The following MIX23 variants were observed in gnomAD, a reference collection of about 807,000 sequenced individuals.
MIX23 encodes mitochondrial matrix import factor 23.
A neutral mutation model predicts 21.6 loss-of-function variants in MIX23; 13 were observed. That is an observed-to-expected ratio of 0.60 (90% CI 0.39 to 0.96). The LOEUF (loss-of-function observed/expected upper bound fraction) is 0.96. Ranked by LOEUF, MIX23 falls within the 40% of genes least tolerant of loss-of-function variation. The pLI is 0.00. For synonymous variants in MIX23, 59 were observed against 58.0 expected, an observed-to-expected ratio of 1.02 and a Z score of -0.08; for missense variants, 144 against 171.2, an observed-to-expected ratio of 0.84 and a Z score of 0.89.
chr3:122,377,836 CA>C (rs751582734), intron 1 of MIX23, among the ~76,000 whole-genome samples: 1 of 151,798 alleles, frequency 6.6e-6, no homozygotes, highest in Non-Finnish European at 1.5e-5. Flanking sequence ...GACTATGTCT[CA>C]AAAAAATTTT....
chr3:122,370,456 CAAAAAAAA>C, intron 2 of MIX23, among the ~76,000 whole-genome samples: 1 of 48,282 alleles, frequency 2.1e-5, no homozygotes, highest in African/African-American at 9.5e-5. Context: ...GACACTGTCT[CAAAAAAAA>C]AAAAAAAAAA....
rs142692321 is a variant in MIX23, at chr3:122,377,050, G to A, written c.52-5250C>T. 1.6e-4 allele frequency among the ~76,000 whole-genome samples: 24 copies of A among 152,186 alleles called. 1 individual carries two copies. The South Asian group carries it at 1.7e-3, about 11-fold the overall frequency. On this transcript the variant is annotated intron_variant, in intron 1 of 4. Transcript: ENST00000291458. ...CAAAAAATTAGCCGCGCATGGTGGC[G>A]CACACCTGTAGTCTCAGCTACTTAG...
At position 122,368,264 on chromosome 3, in the gene MIX23, G is replaced by A. The variant is rs2075412230; in HGVS notation, c.236C>T (p.Ser79Leu). The A allele has an allele frequency of 6.2e-7, 1 of 1,609,894 alleles. No individual in the cohort carries two copies. The highest frequency in any genetic ancestry group is 1.3e-5 in the African/African-American group (1 of 74,802). Residue 79 changes from serine to leucine, a missense_variant, in exon 3 of 5, where the codon TCA becomes TTA. Physicochemically the swap from Ser to Leu is moderately radical, Grantham distance 145. Coordinates refer to ENST00000291458, the MANE Select transcript of MIX23 (RefSeq NM_001017928.4). The part of the protein sequence containing the change: ...RVIKNCIAQT[S>L]AVVKNLREER... Reference sequence around the variant, plus strand: ...TTCTCGGAGGTTTTTTACTACTGCTGAAGTCTGGGCTATACAGTTTTTTAT... The same window carrying A: ...TTCTCGGAGGTTTTTTACTACTGCTAAAGTCTGGGCTATACAGTTTTTTAT...
chr3:122,369,406 G>T (rs1266605770), intron 2 of MIX23, among the ~76,000 whole-genome samples: 1 of 152,206 alleles, frequency 6.6e-6, no homozygotes, highest in East Asian at 1.9e-4. Flanking sequence ...CTGGGTCAGG[G>T]ATTAAAGTCA....
At chr3:122,382,127 A>C (rs1487250109) in intron 1 of MIX23, among the ~76,000 whole-genome samples, 1 of 152,210 alleles carries the variant, frequency 6.6e-6, no homozygotes, top group Non-Finnish European at 1.5e-5. Flanking sequence ...ATTTTATTTC[A>C]ATTTGGAAAT....
rs1266262156 is a variant in MIX23 at position 122,371,742 on chromosome 3, G to A, written c.110C>T (p.Thr37Met). The stretch of plus-strand genomic sequence containing the variant: ...CCCTGCAAAGGAAGCTGTTGGAACC[G>A]TAGTGTTTAATTCATGTACTATTCT... The part of the protein sequence containing the change: ...DDRIVHELNT[T>M]VPTASFAGKI... Residue 37 changes from threonine to methionine, a missense_variant, in exon 2 of 5, where the codon ACG becomes ATG. Coordinates refer to ENST00000291458, the MANE Select transcript of MIX23 (RefSeq NM_001017928.4). 1.6e-5 allele frequency: 26 copies of A among 1,610,868 alleles called. No homozygotes were observed. The highest frequency in any genetic ancestry group is 5.3e-5 in the African/African-American group (4 of 74,832).
chr3:122,361,331 C>T (rs2075357579), intron 4 of MIX23, among the ~76,000 whole-genome samples: 1 of 152,124 alleles, frequency 6.6e-6, no homozygotes, highest in Admixed American at 6.5e-5. Context: ...CACCCATTTC[C>T]AGCCCTGACA....
intron 2 of MIX23, among the ~76,000 whole-genome samples, chr3:122,369,870 C>T (rs2075427167): frequency 6.6e-6 from 1 of 152,180 alleles, no homozygotes; most frequent in African/African-American, 2.4e-5. Context: ...CTGCCTTAGC[C>T]TCCCAGGTAG....
chr3:122,366,290 A>G (rs2075396058), intron 3 of MIX23, among the ~76,000 whole-genome samples: 1 of 152,202 alleles, frequency 6.6e-6, no homozygotes, highest in African/African-American at 2.4e-5. Flanking sequence ...TCACTGTCCA[A>G]GGGATCCACC....
intron 3 of MIX23, chr3:122,366,460 G>T (rs2075397526): frequency 6.6e-6 from 1 of 152,204 alleles, no homozygotes; most frequent in African/African-American, 2.4e-5. Flanking sequence ...CACCTTGTGT[G>T]CAGCCAGCTA....
Position 122,383,193 on chromosome 3 carries a change from T to G in MIX23, c.32A>C (p.Glu11Ala), listed in dbSNP as rs1297265913. The change falls in exon 1 of 5, where the codon GAG becomes GCG. Residue 11 changes from glutamate to alanine, a missense_variant. Coordinates refer to ENST00000291458, the MANE Select transcript of MIX23 (RefSeq NM_001017928.4). Reference protein sequence around the residue: MAAPSGGVNCEEFAEFQELLK... With the variant: MAAPSGGVNCAEFAEFQELLK... ...CATCACCTGGAACTCGGCGAACTCC[T>G]CACAGTTCACACCGCCACTGGGCGC... 6.2e-7 allele frequency: 1 copy of G among 1,613,418 alleles called. No individual in the cohort carries two copies. The highest frequency in any genetic ancestry group is 8.5e-7 in the Non-Finnish European group (1 of 1,180,038).
chr3:122,364,007 AAGTG>A (rs1254967918), intron 3 of MIX23, among the ~76,000 whole-genome samples: 1 of 152,214 alleles, frequency 6.6e-6, no homozygotes, highest in Non-Finnish European at 1.5e-5. Context: ...CCTCAGGCCA[AAGTG>A]AAGAACCCAG....
chr3:122,383,007 G>T (rs1287974091), intron 1 of MIX23, 167 bp downstream of exon 1: 5 of 802,160 alleles, frequency 6.2e-6, no homozygotes, highest in East Asian at 5.2e-5. Context: ...GAGCAGCCTC[G>T]CTCCCTAAGG....
intron 1 of MIX23, among the ~76,000 whole-genome samples, chr3:122,378,950 T>G (rs1311953469): frequency 6.6e-6 from 1 of 152,208 alleles, no homozygotes; most frequent in Admixed American, 6.5e-5. Context: ...GGCTATCATA[T>G]GGAGATAGCA....
intron 1 of MIX23, among the ~76,000 whole-genome samples, chr3:122,376,865 G>A (rs939784205): frequency 1.3e-5 from 2 of 152,118 alleles, no homozygotes; most frequent in African/African-American, 4.8e-5. Flanking sequence ...TGGGTACTAT[G>A]TTCATAATTT....
rs528588943 is a variant in MIX23 at position 122,373,262 on chromosome 3, G to C, written c.52-1462C>G. ...TTATGAGCATAATATAATGTTGCTA[G>C]AAATGTCTTGAAAGTTTTTTTTTTT... On this transcript the variant is annotated intron_variant, in intron 1 of 4. Coordinates refer to ENST00000291458, the MANE Select transcript of MIX23 (RefSeq NM_001017928.4). 4.6e-5 allele frequency among the ~76,000 whole-genome samples: 7 copies of C among 150,540 alleles called. No individual in the cohort carries two copies. The South Asian group carries it at 6.3e-4, about 14-fold the overall frequency.
chr3:122,360,902 G>A (rs1164417317), intron 4 of MIX23, among the ~76,000 whole-genome samples: 1 of 152,150 alleles, frequency 6.6e-6, no homozygotes, highest in Non-Finnish European at 1.5e-5. Flanking sequence ...GGAGTGCAAT[G>A]GCGTGATCTC....
Position 122,363,735 on chromosome 3 carries a change from G to A in MIX23, c.325-708C>T, listed in dbSNP as rs1031849373. Among the ~76,000 whole-genome samples the A allele has an allele frequency of 1.4e-4, 22 of 151,758 alleles. 1 individual carries two copies. The highest frequency in any genetic ancestry group is 5.1e-4 in the African/African-American group (21 of 41,032). On this transcript the variant is annotated intron_variant, in intron 3 of 4. Transcript: ENST00000291458. ...CTCACACCTTAACCATACAGTCAGA[G>A]GTCTCAGGCTAAAAATGCCAAGTCT...
intron 1 of MIX23, among the ~76,000 whole-genome samples, chr3:122,380,861 G>A (rs888105158): frequency 1.3e-5 from 2 of 152,024 alleles, no homozygotes; most frequent in African/African-American, 4.8e-5. Context: ...AAAATGATAC[G>A]GGCCTAAACA....
Sources: allele counts gnomAD v4.1 joint callset (sites outside exome capture counted in the v4.1 genomes callset), GRCh38; gene constraint gnomAD v4.1.1; transcripts MANE v1.5; gene names NCBI Gene and HGNC (gene_info 2026-07-23, HGNC 2026-07-21).